VPS26C: variants seen among roughly 807,000 people sequenced by gnomAD.
VPS26C encodes VPS26 endosomal protein sorting factor C.
Under a neutral mutation model 30.6 loss-of-function variants are expected in VPS26C, and 19 were observed. The ratio of observed to expected loss-of-function variants is 0.62; its 90% CI spans 0.43 to 0.91. VPS26C has a LOEUF of 0.91. Among genes scored for constraint, VPS26C ranks in the 40% least tolerant of loss-of-function variants. The pLI is 0.00. For missense variants in VPS26C, 318 were observed against 385.1 expected (o/e 0.83, Z 1.46); for synonymous variants, 132 against 151.5 (o/e 0.87, Z 0.95).
At position 37,226,525 on chromosome 21, in the gene VPS26C, G is replaced by A. The variant is rs1360019394; in HGVS notation, c.812-899C>T. ...ACTTCCTGCCACCACTCCCTTCAAT[G>A]GGTTCTCCACCCCTCTTGTTGTGCC... On this transcript the variant is annotated intron_variant, in intron 7 of 7. Coordinates refer to ENST00000309117, the MANE Select transcript of VPS26C (RefSeq NM_006052.2). This position sits in a 1 kb window ranked among gnomAD's most constrained non-coding sequence, Gnocchi z 4.1. 1 of 152,300 alleles carries A rather than the reference G, an allele frequency of 6.6e-6. No homozygotes were observed. The highest frequency in any genetic ancestry group is 2.4e-5 in the African/African-American group (1 of 41,452). 9.4% of individuals were successfully genotyped at this position (152,300 alleles called of 1,614,324 possible). A position where few individuals can be genotyped will look rare whatever the true frequency, so the allele number is the denominator to read the frequency against.
At chr21:37,255,304 ATTCT>A (rs2086231276) in intron 1 of VPS26C, among the ~76,000 whole-genome samples, 1 of 152,194 alleles carries the variant, frequency 6.6e-6, no homozygotes. Context: ...GTCTTAAATA[ATTCT>A]TTCTGATAAA....
At chr21:37,234,267 C>T (rs2085996927) in intron 3 of VPS26C, among the ~76,000 whole-genome samples, 2 of 152,208 alleles carry the variant, frequency 1.3e-5, no homozygotes, top group Admixed American at 1.3e-4. Flanking sequence ...TAGCCTGCAC[C>T]TCAAAGAAAA....
At position 37,238,471 on chromosome 21, in the gene VPS26C, C is replaced by T; in HGVS notation, c.340G>A (p.Val114Ile). The T allele has an allele frequency of 6.2e-7, 1 of 1,613,938 alleles. No individual in the cohort carries two copies. The highest frequency in any genetic ancestry group is 8.5e-7 in the Non-Finnish European group (1 of 1,179,916). The change falls in exon 3 of 8, where the codon GTC becomes ATC. Residue 114 changes from valine to isoleucine, a missense_variant. By Grantham distance (29) the Val-to-Ile change is conservative. Coordinates refer to ENST00000309117, the MANE Select transcript of VPS26C (RefSeq NM_006052.2). ...VLYETYHGVFVNIQYTLRCDM... is the reference protein window; with the variant it reads ...VLYETYHGVFINIQYTLRCDM... Reference sequence around the variant, plus strand: ...TAGGAAGCTCTCACCTGAATGTTGACAAACACGCCATGATACGTCTCATAC... The same window carrying T: ...TAGGAAGCTCTCACCTGAATGTTGATAAACACGCCATGATACGTCTCATAC...
chr21:37,226,319 A>G lies in VPS26C; in HGVS notation c.812-693T>C, dbSNP rs1013960101. 1.3e-5 allele frequency: 2 copies of G among 152,382 alleles called. No homozygotes were observed. The highest frequency in any genetic ancestry group is 4.8e-5 in the African/African-American group (2 of 41,444). 9.4% of individuals were successfully genotyped at this position (152,382 alleles called of 1,614,324 possible). On this transcript the variant is annotated intron_variant, in intron 7 of 7. Transcript: ENST00000309117. This position sits in a 1 kb window ranked among gnomAD's most constrained non-coding sequence, Gnocchi z 4.1. Reference sequence around the variant, plus strand: ...CCTGTGCTGAGCCCCACACTGTGGCAGCTCAGCTGTGGAAGGGGCCTTGGA... The same window carrying G: ...CCTGTGCTGAGCCCCACACTGTGGCGGCTCAGCTGTGGAAGGGGCCTTGGA...
intron 5 of VPS26C, chr21:37,230,512 G>A (rs964432650): frequency 3.9e-5 from 6 of 152,196 alleles, no homozygotes; most frequent in Non-Finnish European, 7.3e-5. Flanking sequence ...AAAACCACCA[G>A]TGGCATTTTG....
In VPS26C at chr21:37,257,745, TG is replaced by T. The variant is rs1444915260; in HGVS notation, c.57+9492del. Among the ~76,000 whole-genome samples, 5 of 147,890 alleles carry T rather than the reference TG, an allele frequency of 3.4e-5. No individual in the cohort carries two copies. Among genetic ancestry groups the T allele is most frequent in the African/African-American group, 1.3e-4 (5 of 39,780 alleles). On this transcript the variant is annotated intron_variant, in intron 1 of 7. Coordinates refer to ENST00000309117, the MANE Select transcript of VPS26C (RefSeq NM_006052.2). The surrounding 1 kb of genome is among the most constrained non-coding windows in gnomAD (Gnocchi z 4.2). ...AAGGACTGGAGGGGAGGGAAAGGGG[TG>T]GGGAGCGAGGGTACCAGAGGCGTGG...
chr21:37,254,384 C>T (rs372922675), intron 1 of VPS26C, among the ~76,000 whole-genome samples: 1 of 152,140 alleles, frequency 6.6e-6, no homozygotes, highest in Non-Finnish European at 1.5e-5. Flanking sequence ...AATCCCAACC[C>T]ACTTTGGGAG....
At chr21:37,255,850 C>CTTTTTTTT (rs2086236577) in intron 1 of VPS26C, among the ~76,000 whole-genome samples, 9 of 63,484 alleles carry the variant, frequency 1.4e-4, no homozygotes, top group Non-Finnish European at 2.1e-4. Flanking sequence ...CTATGCACTG[C>CTTTTTTTT]ATTTTTTTTT....
At chr21:37,239,259 C>G (rs1450527393) in intron 2 of VPS26C, among the ~76,000 whole-genome samples, 1 of 152,206 alleles carries the variant, frequency 6.6e-6, no homozygotes, top group South Asian at 2.1e-4. Context: ...GGAAGTGAAT[C>G]TCTTAAGTAC....
rs894783705 is a variant in VPS26C, at chr21:37,257,326, G to A, written c.57+9912C>T. On this transcript the variant is annotated intron_variant, in intron 1 of 7. Coordinates refer to ENST00000309117, the MANE Select transcript of VPS26C (RefSeq NM_006052.2). This position sits in a 1 kb window ranked among gnomAD's most constrained non-coding sequence, Gnocchi z 4.2. ...GGCAAACAGGCAAGGTTCCCTCTGAGGCCGTAGCGGCTTCTCGTGGGCGAG... is the reference window on the plus strand; with the variant it reads ...GGCAAACAGGCAAGGTTCCCTCTGAAGCCGTAGCGGCTTCTCGTGGGCGAG... Among the ~76,000 whole-genome samples the A allele has an allele frequency of 1.3e-5, 2 of 152,076 alleles. No individual in the cohort carries two copies. Among genetic ancestry groups the A allele is most frequent in the African/African-American group, 2.4e-5 (1 of 41,412 alleles).
chr21:37,250,079 G>A (rs1036161772), intron 1 of VPS26C, among the ~76,000 whole-genome samples: 8 of 152,148 alleles, frequency 5.3e-5, no homozygotes, highest in African/African-American at 9.7e-5. Flanking sequence ...TGAGGCAGGC[G>A]GATCACCTGA....
At chr21:37,261,743 T>C (rs922213849) in intron 1 of VPS26C, 1 of 151,906 alleles carries the variant, frequency 6.6e-6, no homozygotes, top group Non-Finnish European at 1.5e-5. Flanking sequence ...ATTTTCAGAC[T>C]TGGCAGTGAA....
In VPS26C at chr21:37,233,259, G is replaced by A; in HGVS notation, c.432+103C>T. 3.0e-6 allele frequency: 3 copies of A among 1,013,514 alleles called. No homozygotes were observed. The highest frequency in any genetic ancestry group is 4.6e-6 in the Non-Finnish European group (3 of 651,148). 62.8% of individuals were successfully genotyped at this position (1,013,514 alleles called of 1,614,324 possible). A position where few individuals can be genotyped will look rare whatever the true frequency, so the allele number is the denominator to read the frequency against. On this transcript the variant is annotated intron_variant, in intron 4 of 7. Transcript: ENST00000309117. The surrounding 1 kb of genome is among the most constrained non-coding windows in gnomAD (Gnocchi z 5.2). Reference sequence around the variant, plus strand: ...TCTTGTGTCTTCTGCCAGCACCCGTGAAACAGTAAGAGGCTAAATGGTGAG... The same window carrying A: ...TCTTGTGTCTTCTGCCAGCACCCGTAAAACAGTAAGAGGCTAAATGGTGAG...
intron 1 of VPS26C, among the ~76,000 whole-genome samples, chr21:37,247,721 G>C (rs934571736): frequency 2.6e-5 from 4 of 152,188 alleles, no homozygotes; most frequent in Non-Finnish European, 5.9e-5. Flanking sequence ...TAAAATGGCA[G>C]GGGTGGATTT....
At chr21:37,267,058 G>C in intron 1 of VPS26C, 180 bp downstream of exon 1, 1 of 658,884 alleles carries the variant, frequency 1.5e-6, no homozygotes, top group South Asian at 1.8e-5. Context: ...AGCCAGCCTC[G>C]CGCGGGAAGC....
rs1411655453 is a variant in VPS26C, at chr21:37,267,286, G to T, written c.9C>A (p.Thr3=). 5.6e-6 allele frequency: 9 copies of T among 1,611,348 alleles called. No homozygotes were observed. The highest frequency in any genetic ancestry group is 6.8e-6 in the Non-Finnish European group (8 of 1,179,094). ...CTCTTTTAATCTTGATGTCCAGGGC[G>T]GTCCCCATCTCCAATTCTCCGCAGC... is the stretch of plus-strand genomic sequence containing the variant. MG[T]ALDIKIKRAN... Residue 3 remains threonine, a synonymous_variant, in exon 1 of 8, where the codon ACC becomes ACA. Transcript: ENST00000309117.
chr21:37,252,587 C>T (rs754480389), intron 1 of VPS26C, among the ~76,000 whole-genome samples: 1 of 152,182 alleles, frequency 6.6e-6, no homozygotes, highest in African/African-American at 2.4e-5. Context: ...AACCCCATTC[C>T]TAGATTTTAA....
intron 1 of VPS26C, among the ~76,000 whole-genome samples, chr21:37,258,315 G>A (rs1048532518): frequency 1.3e-5 from 2 of 152,066 alleles, no homozygotes; most frequent in Non-Finnish European, 2.9e-5. Flanking sequence ...CACACAAAGC[G>A]TCTCCGTGCC....
Position 37,225,537 on chromosome 21 carries a change from C to T in VPS26C, c.*7G>A. The T allele has an allele frequency of 1.9e-6, 3 of 1,613,588 alleles. No individual in the cohort carries two copies. Among genetic ancestry groups the T allele is most frequent in the Non-Finnish European group, 2.5e-6 (3 of 1,179,484 alleles). Reference sequence around the variant, plus strand: ...CACTCCCGTTCTCTATGCTTCCCTCCTCCGGGCTATATCCTGCAGAGCTTC... The same window carrying T: ...CACTCCCGTTCTCTATGCTTCCCTCTTCCGGGCTATATCCTGCAGAGCTTC... On this transcript the variant is annotated 3_prime_UTR_variant, in exon 8 of 8. Coordinates refer to ENST00000309117, the MANE Select transcript of VPS26C (RefSeq NM_006052.2).
Sources: allele counts gnomAD v4.1 joint callset (sites outside exome capture counted in the v4.1 genomes callset), GRCh38; gene constraint gnomAD v4.1.1; non-coding constraint Gnocchi (gnomAD v3.1); transcripts MANE v1.5; gene names NCBI Gene and HGNC (gene_info 2026-07-23, HGNC 2026-07-21).